Variants in PARD3 observed in about 807,000 individuals in gnomAD.
PARD3 encodes the protein partitioning defective 3 homolog.
In PARD3, 75 loss-of-function variants were observed where a neutral mutation model predicts 155.4. The observed-to-expected ratio is 0.48, with a 90% CI of 0.40 to 0.58. The LOEUF (loss-of-function observed/expected upper bound fraction) is 0.58. Among genes scored for constraint, PARD3 ranks in the 20% least tolerant of loss-of-function variants. The probability of loss-of-function intolerance (pLI) is 0.00; values close to 1 mark genes in which losing one functional copy is unlikely to be tolerated. For missense variants in PARD3, 1,642 were observed against 1,721.7 expected (o/e 0.95, Z 0.82); for synonymous variants, 576 against 610.5 (o/e 0.94, Z 0.83).
rs191983593 is a variant in PARD3, at chr10:34,603,896, G to A, written c.223-86737C>T. Reference sequence around the variant, plus strand: ...GCACAGTACACAGAGAAAACTGTCCGACACGCAGCCAATCCCTCCATAACC... The same window carrying A: ...GCACAGTACACAGAGAAAACTGTCCAACACGCAGCCAATCCCTCCATAACC... On this transcript the variant is annotated intron_variant, in intron 2 of 24. Transcript: ENST00000374788. Among the ~76,000 whole-genome samples the A allele has an allele frequency of 2.1e-3, 326 of 152,250 alleles. 1 individual carries two copies. The highest frequency in any genetic ancestry group is 7.2e-3 in the African/African-American group (299 of 41,554).
intron 3 of PARD3, among the ~76,000 whole-genome samples, chr10:34,509,926 T>A (rs2081304768): frequency 6.6e-6 from 1 of 152,210 alleles, no homozygotes. Flanking sequence ...TCCCTCTGGA[T>A]AACAAACACT....
At chr10:34,503,526 G>A (rs971755247) in intron 3 of PARD3, among the ~76,000 whole-genome samples, 7 of 152,000 alleles carry the variant, frequency 4.6e-5, no homozygotes, top group South Asian at 2.1e-4. Flanking sequence ...GTGTGCCTAC[G>A]TATATATGTA....
intron 24 of PARD3, among the ~76,000 whole-genome samples, chr10:34,112,654 C>T: frequency 6.6e-6 from 1 of 152,146 alleles, no homozygotes; most frequent in African/African-American, 2.4e-5. Flanking sequence ...TGAATGTTCA[C>T]AAAGATTTTC....
intron 2 of PARD3, among the ~76,000 whole-genome samples, chr10:34,549,100 G>T (rs1277223352): frequency 6.6e-6 from 1 of 152,174 alleles, no homozygotes; most frequent in East Asian, 1.9e-4. Flanking sequence ...TAGAAATCTT[G>T]ATCCAATATG....
intron 20 of PARD3, among the ~76,000 whole-genome samples, chr10:34,309,319 G>A (rs1264025763): frequency 6.6e-6 from 1 of 152,200 alleles, no homozygotes; most frequent in Non-Finnish European, 1.5e-5. Flanking sequence ...AGCATGCTGG[G>A]AGGCAGAGGC....
chr10:34,451,980 TATACTA>T (rs201448217), intron 4 of PARD3, among the ~76,000 whole-genome samples: 3,246 of 152,246 alleles, frequency 0.021, 58 homozygotes, highest in Non-Finnish European at 0.032. Context: ...AAGACTTTCT[TATACTA>T]ATAAGAAATT....
intron 2 of PARD3, among the ~76,000 whole-genome samples, chr10:34,670,960 C>T (rs1305152289): frequency 1.3e-5 from 2 of 152,174 alleles, no homozygotes; most frequent in East Asian, 3.9e-4. Context: ...AACACATCGG[C>T]GGCCATCAAG....
chr10:34,301,878 G>A (rs1957170329), intron 20 of PARD3, among the ~76,000 whole-genome samples: 2 of 136,240 alleles, frequency 1.5e-5, no homozygotes, highest in Non-Finnish European at 3.0e-5. Flanking sequence ...GAGTCTACCT[G>A]AGAAATACAT....
At chr10:34,766,901 C>T (rs1838170690) in intron 1 of PARD3, among the ~76,000 whole-genome samples, 1 of 152,094 alleles carries the variant, frequency 6.6e-6, no homozygotes, top group African/African-American at 2.4e-5. Context: ...GTGGAAGAAA[C>T]CAGCAACTGA....
chr10:34,675,504 C>G (rs1447258516), intron 2 of PARD3: 1 of 152,162 alleles, frequency 6.6e-6, no homozygotes, highest in East Asian at 1.9e-4. Flanking sequence ...ATGCTATAAA[C>G]TGAACCTCTC....
At chr10:34,755,830 T>C (rs1220194867) in intron 1 of PARD3, among the ~76,000 whole-genome samples, 1 of 152,072 alleles carries the variant, frequency 6.6e-6, no homozygotes, top group Non-Finnish European at 1.5e-5. Context: ...AAAATGATAA[T>C]GACAAATCAA....
intron 2 of PARD3, among the ~76,000 whole-genome samples, chr10:34,615,138 G>A (rs780946180): frequency 6.6e-6 from 1 of 152,100 alleles, no homozygotes; most frequent in East Asian, 1.9e-4. Context: ...CCGAGATGGC[G>A]CCACTTCACT....
intron 2 of PARD3, among the ~76,000 whole-genome samples, chr10:34,580,796 C>G (rs1180804759): frequency 6.6e-6 from 1 of 152,172 alleles, no homozygotes; most frequent in African/African-American, 2.4e-5. Context: ...CACTTAGAGA[C>G]ACAACGTATT....
At chr10:34,250,421 A>C (rs1461905646) in intron 22 of PARD3, among the ~76,000 whole-genome samples, 1 of 152,234 alleles carries the variant, frequency 6.6e-6, no homozygotes, top group East Asian at 1.9e-4. Context: ...ATGAAAAATG[A>C]ATAAGGCTTT....
At chr10:34,479,447 G>A (rs114311771) in intron 3 of PARD3, among the ~76,000 whole-genome samples, 3,889 of 152,150 alleles carry the variant, frequency 0.026, 165 homozygotes, top group African/African-American at 0.089. Flanking sequence ...TTTGGGGCGC[G>A]TGAGCCACGG....
intron 24 of PARD3, among the ~76,000 whole-genome samples, chr10:34,116,494 C>T (rs1268304082): frequency 6.6e-6 from 1 of 152,194 alleles, no homozygotes; most frequent in Non-Finnish European, 1.5e-5. Context: ...GCAGTCCCCC[C>T]TGACCTCCTG....
At chr10:34,725,219 C>A (rs905421802) in intron 1 of PARD3, among the ~76,000 whole-genome samples, 1 of 151,748 alleles carries the variant, frequency 6.6e-6, no homozygotes, top group Non-Finnish European at 1.5e-5. Flanking sequence ...GTGGCGTGAT[C>A]TCAGCTCACT....
At chr10:34,282,594 A>G (rs1426157899) in intron 21 of PARD3, among the ~76,000 whole-genome samples, 1 of 152,194 alleles carries the variant, frequency 6.6e-6, no homozygotes, top group Non-Finnish European at 1.5e-5. Context: ...GATGAAAAAT[A>G]GTACAGGATT....
Position 34,605,547 on chromosome 10 carries a change from A to ATATATCTCC in PARD3, c.223-88389_223-88388insGGAGATATA, listed in dbSNP as rs1554783990. On this transcript the variant is annotated intron_variant, in intron 2 of 24. Coordinates refer to ENST00000374788, the MANE Select transcript of PARD3 (RefSeq NM_001184785.2). The stretch of plus-strand genomic sequence containing the variant: ...TCCTATATATATCTCCTATATATAT[A>ATATATCTCC]TATATATATCTCCTATATATATATA... 1.4e-4 allele frequency among the ~76,000 whole-genome samples: 12 copies of ATATATCTCC among 83,074 alleles called. 2 individuals carry two copies. The highest frequency in any genetic ancestry group is 1.0e-4 in the Non-Finnish European group (5 of 48,758). 54.5% of individuals were successfully genotyped at this position (83,074 alleles called of 152,430 possible).
Sources: allele counts gnomAD v4.1 joint callset (sites outside exome capture counted in the v4.1 genomes callset), GRCh38; gene constraint gnomAD v4.1.1; transcripts MANE v1.5; gene names NCBI Gene and HGNC (gene_info 2026-07-23, HGNC 2026-07-21).